NAALADL2: variants seen among roughly 807,000 people sequenced by gnomAD.
NAALADL2 encodes the protein inactive N-acetylated-alpha-linked acidic dipeptidase-like protein 2.
A neutral mutation model predicts 87.2 loss-of-function variants in NAALADL2; 76 were observed. That is an observed-to-expected ratio of 0.87 (90% CI 0.72 to 1.05). The LOEUF (loss-of-function observed/expected upper bound fraction) is 1.05. Ranked by LOEUF, NAALADL2 falls within the 50% of genes least tolerant of loss-of-function variation. The pLI is 0.00. For synonymous variants in NAALADL2, 354 were observed against 331.0 expected, an observed-to-expected ratio of 1.07 and a Z score of -0.75; for missense variants, 1,089 against 945.8, an observed-to-expected ratio of 1.15 and a Z score of -1.99.
intron 4 of NAALADL2, among the ~76,000 whole-genome samples, chr3:175,258,319 A>ACCC (rs1414179327): frequency 6.1e-5 from 6 of 97,748 alleles, no homozygotes; most frequent in African/African-American, 1.2e-4. Flanking sequence ...CTCCGCCCCC[A>ACCC]CCACCAAAAA....
intron 11 of NAALADL2, among the ~76,000 whole-genome samples, chr3:175,673,198 C>A (rs1375188694): frequency 6.6e-6 from 1 of 152,098 alleles, no homozygotes; most frequent in Non-Finnish European, 1.5e-5. Context: ...AATTTATATC[C>A]TCTCTTGTGA....
chr3:175,023,651 T>A (rs1215340954), intron 1 of NAALADL2, among the ~76,000 whole-genome samples: 1 of 152,092 alleles, frequency 6.6e-6, no homozygotes, highest in African/African-American at 2.4e-5. Context: ...TCTGCTAAAA[T>A]AATTTTATAA....
In NAALADL2 at chr3:174,951,667, C is replaced by A. The variant is rs186988441; in HGVS notation, c.43+92217C>A. On this transcript the variant is annotated intron_variant, in intron 1 of 13. Transcript: ENST00000454872. The stretch of plus-strand genomic sequence containing the variant: ...TATATTCTTTTTACTTGTCGATAGA[C>A]GCCTTCAACTTTAAATGTTGTAATC... Among the ~76,000 whole-genome samples the A allele has an allele frequency of 1.1e-3, 167 of 152,152 alleles. 1 individual carries two copies. The highest frequency in any genetic ancestry group is 4.0e-3 in the African/African-American group (165 of 41,536).
At chr3:175,437,579 T>A (rs1718917451) in intron 5 of NAALADL2, among the ~76,000 whole-genome samples, 1 of 148,262 alleles carries the variant, frequency 6.7e-6, no homozygotes, top group Admixed American at 6.8e-5. Context: ...ATGACTTTCT[T>A]CACAGAATTG....
intron 1 of NAALADL2, among the ~76,000 whole-genome samples, chr3:174,973,553 A>C (rs943854789): frequency 3.3e-5 from 5 of 152,236 alleles, no homozygotes; most frequent in Non-Finnish European, 5.9e-5. Flanking sequence ...AACAAATGTT[A>C]TTAAGTTAAC....
At chr3:175,758,403 TATTA>T (rs1400856930) in intron 13 of NAALADL2, among the ~76,000 whole-genome samples, 14 of 151,782 alleles carry the variant, frequency 9.2e-5, no homozygotes, top group African/African-American at 3.4e-4. Flanking sequence ...AATTTATATA[TATTA>T]ATTTATGTGT....
At chr3:175,003,834 G>T (rs1748593874) in intron 1 of NAALADL2, among the ~76,000 whole-genome samples, 1 of 152,168 alleles carries the variant, frequency 6.6e-6, no homozygotes, top group South Asian at 2.1e-4. Flanking sequence ...AATGTGTAAT[G>T]GGCTTGCTGA....
chr3:175,153,688 A>G (rs1731888985), intron 2 of NAALADL2, among the ~76,000 whole-genome samples: 1 of 152,328 alleles, frequency 6.6e-6, no homozygotes, highest in South Asian at 2.1e-4. Flanking sequence ...ATATCGAAAA[A>G]GTAAAGTAAG....
intron 2 of NAALADL2, among the ~76,000 whole-genome samples, chr3:174,597,759 T>G (rs1223320934): frequency 6.6e-6 from 1 of 152,194 alleles, no homozygotes. Context: ...TTGCAATTAA[T>G]GTGCTGAATT....
intron 5 of NAALADL2, among the ~76,000 whole-genome samples, chr3:175,416,241 A>G (rs989878050): frequency 7.9e-5 from 12 of 152,196 alleles, no homozygotes; most frequent in African/African-American, 2.4e-4. Context: ...TGGCAAGAAC[A>G]TTGAAACAAA....
chr3:174,996,982 G>T (rs1376926553), intron 1 of NAALADL2, among the ~76,000 whole-genome samples: 5 of 144,586 alleles, frequency 3.5e-5, no homozygotes, highest in African/African-American at 5.1e-5. Context: ...TGGCTGAGTA[G>T]TATTCCAAGG....
At chr3:174,999,832 C>CAT (rs1280555044) in intron 1 of NAALADL2, among the ~76,000 whole-genome samples, 6 of 152,134 alleles carry the variant, frequency 3.9e-5, no homozygotes, top group African/African-American at 1.4e-4. Context: ...CATAGATAAA[C>CAT]ATATATATAA....
chr3:175,062,151 C>G (rs1689932337), intron 1 of NAALADL2, among the ~76,000 whole-genome samples: 1 of 152,118 alleles, frequency 6.6e-6, no homozygotes, highest in Non-Finnish European at 1.5e-5. Flanking sequence ...TGCTTTGAAT[C>G]TTTTCTAATT....
intron 6 of NAALADL2, among the ~76,000 whole-genome samples, chr3:175,453,435 T>C (rs1365328695): frequency 2.6e-5 from 4 of 152,124 alleles, no homozygotes. Context: ...CTCTAAGTTG[T>C]AAAGGCCCAT....
Position 175,803,454 on chromosome 3 carries a change from AAAG to A in NAALADL2, c.*254_*256del, listed in dbSNP as rs1754429767. The A allele has an allele frequency of 3.7e-6, 1 of 267,184 alleles. No homozygotes were observed. Among genetic ancestry groups the A allele is most frequent in the Non-Finnish European group, 7.1e-6 (1 of 141,744 alleles). The allele number at this position is 267,184 out of a possible 1,614,324, so 16.6% of individuals were successfully genotyped here. A position where few individuals can be genotyped will look rare whatever the true frequency, so the allele number is the denominator to read the frequency against. On this transcript the variant is annotated 3_prime_UTR_variant, in exon 14 of 14. Transcript: ENST00000454872. ...ATAGGACTTAAGAATTACCTATTAA[AAAG>A]AAATCTGATATATAAAAATATGTAC...
rs370980976 is a variant in NAALADL2, at chr3:175,505,475, G to A, written c.1653+33717G>A. Among the ~76,000 whole-genome samples the A allele has an allele frequency of 3.5e-3, 528 of 152,108 alleles. 3 individuals are homozygous for A. Among genetic ancestry groups the A allele is most frequent in the African/African-American group, 0.012 (511 of 41,528 alleles). On this transcript the variant is annotated intron_variant, in intron 9 of 13. Coordinates refer to ENST00000454872, the MANE Select transcript of NAALADL2 (RefSeq NM_207015.3). The stretch of plus-strand genomic sequence containing the variant: ...TTAATCCAGTATGGTTTGTTTCATA[G>A]CAAAAGATAAAAAGAATAGACACTA...
In NAALADL2 at chr3:174,807,366, T is replaced by C. The variant is rs554165784; in HGVS notation, c.-9+69620T>C. ...TACATTTGTTAGTAAAATGCTCTGC[T>C]TCTTGCTCATACGATGCACTTAGCC... On this transcript the variant is annotated intron_variant, in intron 3 of 3. Coordinates refer to the NAALADL2 transcript ENST00000434257. Among the ~76,000 whole-genome samples, 4 of 152,254 alleles carry C rather than the reference T, an allele frequency of 2.6e-5. No homozygotes were observed. The South Asian group carries it at 8.3e-4, about 32-fold the overall frequency.
chr3:174,535,525 A>G (rs1189225751), intron 1 of NAALADL2, among the ~76,000 whole-genome samples: 1 of 152,124 alleles, frequency 6.6e-6, no homozygotes, highest in East Asian at 1.9e-4. Flanking sequence ...AATAGCTACT[A>G]TTTATTGACA....
chr3:175,630,861 A>G (rs1171582399), intron 11 of NAALADL2, among the ~76,000 whole-genome samples: 1 of 151,656 alleles, frequency 6.6e-6, no homozygotes, highest in African/African-American at 2.4e-5. Flanking sequence ...TCACAAAAAT[A>G]TGAGAAATAC....
Sources: allele counts gnomAD v4.1 joint callset (sites outside exome capture counted in the v4.1 genomes callset), GRCh38; gene constraint gnomAD v4.1.1; transcripts MANE v1.5; gene names NCBI Gene and HGNC (gene_info 2026-07-23, HGNC 2026-07-21).